Variants in FOSL2 observed in about 807,000 individuals in gnomAD.
The protein encoded by FOSL2 is fos-related antigen 2.
In FOSL2, 3 loss-of-function variants were observed where a neutral mutation model predicts 27.7. The observed-to-expected ratio is 0.11, with a 90% CI of 0.05 to 0.28. FOSL2 has a LOEUF of 0.28. FOSL2 is among the 10% of genes least tolerant of loss of function. FOSL2 has a pLI of 1.00. For synonymous variants in FOSL2, 179 were observed against 190.1 expected (o/e 0.94, Z 0.48); for missense variants, 333 against 445.1 (o/e 0.75, Z 2.27).
intron 2 of FOSL2, among the ~76,000 whole-genome samples, chr2:28,406,134 C>A (rs1389614719): frequency 6.7e-6 from 1 of 150,132 alleles, no homozygotes; most frequent in African/African-American, 2.4e-5. Flanking sequence ...CGGCTCACTA[C>A]AACCTCCTCC....
At chr2:28,409,822 C>T (rs990348764) in intron 3 of FOSL2, among the ~76,000 whole-genome samples, 2 of 152,196 alleles carry the variant, frequency 1.3e-5, no homozygotes, top group African/African-American at 4.8e-5. Context: ...CTCACTGCAA[C>T]CTCTGCCTCT....
At chr2:28,397,868 C>T (rs1369037288) in intron 1 of FOSL2, among the ~76,000 whole-genome samples, 1 of 152,178 alleles carries the variant, frequency 6.6e-6, no homozygotes, top group Non-Finnish European at 1.5e-5. Flanking sequence ...AATCTTTGTC[C>T]TTTGAAGGGT....
At chr2:28,402,345 G>A (rs1442458720) in intron 1 of FOSL2, among the ~76,000 whole-genome samples, 4 of 152,268 alleles carry the variant, frequency 2.6e-5, no homozygotes, top group Non-Finnish European at 4.4e-5. Context: ...GGCCCCCGAG[G>A]TGGTCTGGTT....
In FOSL2 at chr2:28,413,901, T is replaced by C. The variant is rs1572498576; in HGVS notation, c.*1453T>C. 5.0e-6 allele frequency: 2 copies of C among 398,594 alleles called. No individual in the cohort carries two copies. The highest frequency in any genetic ancestry group is 7.1e-5 in the East Asian group (2 of 28,072). 24.7% of individuals were successfully genotyped at this position (398,594 alleles called of 1,614,324 possible). A position where few individuals can be genotyped will look rare whatever the true frequency, so the allele number is the denominator to read the frequency against. On this transcript the variant is annotated 3_prime_UTR_variant, in exon 4 of 4. Coordinates refer to ENST00000264716, the MANE Select transcript of FOSL2 (RefSeq NM_005253.4). Reference sequence around the variant, plus strand: ...GGAGATAGGATGTTTTGCTTCCCACTGCAGGAGAGCTGCCCCCTTTCACGG... The same window carrying C: ...GGAGATAGGATGTTTTGCTTCCCACCGCAGGAGAGCTGCCCCCTTTCACGG...
Position 28,393,891 on chromosome 2 carries a change from CTT to C in FOSL2, c.102+72_102+73del, listed in dbSNP as rs1429674407. 6 of 1,018,954 alleles carry C rather than the reference CTT, an allele frequency of 5.9e-6. No individual in the cohort carries two copies. The Admixed American group carries it at 1.1e-4, about 18-fold the overall frequency. 63.1% of individuals were successfully genotyped at this position (1,018,954 alleles called of 1,614,324 possible). A position where few individuals can be genotyped will look rare whatever the true frequency, so the allele number is the denominator to read the frequency against. On this transcript the variant is annotated intron_variant, in intron 1 of 3. Transcript: ENST00000264716. The surrounding 1 kb of genome is among the most constrained non-coding windows in gnomAD (Gnocchi z 4.6). The stretch of plus-strand genomic sequence containing the variant: ...TGCCCTCTTCTCGCCGCCACTGCCT[CTT>C]TTGCTTTCTTTTCTTTTTCTTGGCG...
At position 28,408,923 on chromosome 2, in the gene FOSL2, G is replaced by A. The variant is rs756403912; in HGVS notation, c.462+57G>A. ...CTGGGTGGGCTGGAGTGAGAGCCCC[G>A]GGGGTCCTGATCCTCTCTCCCACAG... On this transcript the variant is annotated intron_variant, in intron 3 of 3. Transcript: ENST00000264716. The surrounding 1 kb of genome is among the most constrained non-coding windows in gnomAD (Gnocchi z 4.1). The A allele has an allele frequency of 9.9e-5, 121 of 1,228,328 alleles. 1 individual carries two copies. The highest frequency in any genetic ancestry group is 1.3e-4 in the Non-Finnish European group (115 of 875,328). 76.1% of individuals were successfully genotyped at this position (1,228,328 alleles called of 1,614,324 possible). A position where few individuals can be genotyped will look rare whatever the true frequency, so the allele number is the denominator to read the frequency against.
In FOSL2 at chr2:28,406,917, G is replaced by C. The variant is rs528651184; in HGVS notation, c.355-1842G>C. ...TGTGCCCTGTGGCGGCGACTCTGAG[G>C]AGGTGGGGAGGGGAGGGTGTGTGTG... On this transcript the variant is annotated intron_variant, in intron 2 of 3. Coordinates refer to ENST00000264716, the MANE Select transcript of FOSL2 (RefSeq NM_005253.4). Among the ~76,000 whole-genome samples, 20 of 152,348 alleles carry C rather than the reference G, an allele frequency of 1.3e-4. No homozygotes were observed. The South Asian group carries it at 3.9e-3, about 30-fold the overall frequency.
rs921263790 is a variant in FOSL2 at position 28,408,620 on chromosome 2, C to A, written c.355-139C>A. On this transcript the variant is annotated intron_variant, in intron 2 of 3. Coordinates refer to ENST00000264716, the MANE Select transcript of FOSL2 (RefSeq NM_005253.4). This position sits in a 1 kb window ranked among gnomAD's most constrained non-coding sequence, Gnocchi z 4.1. ...TCCACATGTTCTGGGGCCTCTGAGTCCAGCCATGCTCCTCTTGCCCTTCCT... is the reference window on the plus strand; with the variant it reads ...TCCACATGTTCTGGGGCCTCTGAGTACAGCCATGCTCCTCTTGCCCTTCCT... 1 of 594,358 alleles carries A rather than the reference C, an allele frequency of 1.7e-6. No homozygotes were observed. The highest frequency in any genetic ancestry group is 3.8e-5 in the Admixed American group (1 of 26,584). 36.8% of individuals were successfully genotyped at this position (594,358 alleles called of 1,614,324 possible).
At position 28,413,897 on chromosome 2, in the gene FOSL2, C is replaced by A; in HGVS notation, c.*1449C>A. ...AATTGGAGATAGGATGTTTTGCTTC[C>A]CACTGCAGGAGAGCTGCCCCCTTTC... On this transcript the variant is annotated 3_prime_UTR_variant, in exon 4 of 4. Transcript: ENST00000264716. 2.5e-6 allele frequency: 1 copy of A among 398,630 alleles called. No homozygotes were observed. Among genetic ancestry groups the A allele is most frequent in the South Asian group, 1.3e-4 (1 of 7,760 alleles). The allele number at this position is 398,630 out of a possible 1,614,324, so 24.7% of individuals were successfully genotyped here.
chr2:28,398,784 CAT>C (rs1248691621), intron 1 of FOSL2, among the ~76,000 whole-genome samples: 1 of 152,206 alleles, frequency 6.6e-6, no homozygotes, highest in Non-Finnish European at 1.5e-5. Flanking sequence ...TCCATTGTGA[CAT>C]AGTGGTATTT....
rs1235568376 is a variant in FOSL2 at position 28,408,522 on chromosome 2, T to C, written c.355-237T>C. On this transcript the variant is annotated intron_variant, in intron 2 of 3. Coordinates refer to ENST00000264716, the MANE Select transcript of FOSL2 (RefSeq NM_005253.4). The surrounding 1 kb of genome is among the most constrained non-coding windows in gnomAD (Gnocchi z 4.1). Reference sequence around the variant, plus strand: ...ATTGCTGTCCTGTTTAAACATGGACTTTAAACTTGGACATCACCTTCCGGG... The same window carrying C: ...ATTGCTGTCCTGTTTAAACATGGACCTTAAACTTGGACATCACCTTCCGGG... Among the ~76,000 whole-genome samples, 2 of 152,184 alleles carry C rather than the reference T, an allele frequency of 1.3e-5. No homozygotes were observed. The highest frequency in any genetic ancestry group is 2.9e-5 in the Non-Finnish European group (2 of 68,034).
Position 28,412,641 on chromosome 2 carries a change from C to T in FOSL2, c.*193C>T, listed in dbSNP as rs1265970446. ...AGACTTGGGTTGATCTCTTAGAAGC[C>T]ATGGGACCTCCTCCCTCATTCATCT... On this transcript the variant is annotated 3_prime_UTR_variant, in exon 4 of 4. Transcript: ENST00000264716. The surrounding 1 kb of genome is among the most constrained non-coding windows in gnomAD (Gnocchi z 7.1). 1.7e-5 allele frequency: 10 copies of T among 573,122 alleles called. No homozygotes were observed. The East Asian group carries it at 2.5e-4, about 14-fold the overall frequency. 35.5% of individuals were successfully genotyped at this position (573,122 alleles called of 1,614,324 possible). A position where few individuals can be genotyped will look rare whatever the true frequency, so the allele number is the denominator to read the frequency against.
At position 28,393,532 on chromosome 2, in the gene FOSL2, G is replaced by A. The variant is rs1164930466; in HGVS notation, c.-189G>A. The A allele has an allele frequency of 1.8e-6, 1 of 557,180 alleles. No individual in the cohort carries two copies. Among genetic ancestry groups the A allele is most frequent in the Non-Finnish European group, 3.2e-6 (1 of 312,640 alleles). 34.5% of individuals were successfully genotyped at this position (557,180 alleles called of 1,614,324 possible). A position where few individuals can be genotyped will look rare whatever the true frequency, so the allele number is the denominator to read the frequency against. The stretch of plus-strand genomic sequence containing the variant: ...AGAAGTGCTGTAAGGGACGCTCGGG[G>A]GACGCTGTTCCTGAGGTGTCGCCGC... On this transcript the variant is annotated 5_prime_UTR_variant, in exon 1 of 4. Transcript: ENST00000264716. This position sits in a 1 kb window ranked among gnomAD's most constrained non-coding sequence, Gnocchi z 4.6.
rs1290978558 is a variant in FOSL2, at chr2:28,404,116, G to T, written c.112G>T (p.Val38Leu). The change falls in exon 2 of 4, where the codon GTA becomes TTA. Residue 38 changes from valine (V) to leucine (L), a missense_variant. Physicochemically the swap from Val to Leu is conservative, Grantham distance 32. Around this residue, in one of 4 missense-constraint regions of FOSL2, gnomAD observed 131 missense variants for 157.9 expected, o/e 0.83. Transcript: ENST00000264716. The surrounding 1 kb of genome is among the most constrained non-coding windows in gnomAD (Gnocchi z 4.7). ...SGGGGQQKFR[V>L]DMPGSGSAFI... Reference sequence around the variant, plus strand: ...TTTTTCCTCATTTCAGAAATTCCGGGTAGATATGCCTGGCTCAGGCAGTGC... The same window carrying T: ...TTTTTCCTCATTTCAGAAATTCCGGTTAGATATGCCTGGCTCAGGCAGTGC... 1.2e-6 allele frequency: 2 copies of T among 1,614,050 alleles called. No homozygotes were observed. Among genetic ancestry groups the T allele is most frequent in the South Asian group, 1.1e-5 (1 of 91,070 alleles).
intron 1 of FOSL2, among the ~76,000 whole-genome samples, chr2:28,402,745 A>G (rs1663997832): frequency 6.6e-6 from 1 of 152,194 alleles, no homozygotes; most frequent in Non-Finnish European, 1.5e-5. Context: ...GAAGAAAGCA[A>G]TGGAAAAGGA....
Position 28,393,909 on chromosome 2 carries a change from T to C in FOSL2, c.102+87T>C. On this transcript the variant is annotated intron_variant, in intron 1 of 3. Transcript: ENST00000264716. The surrounding 1 kb of genome is among the most constrained non-coding windows in gnomAD (Gnocchi z 4.6). ...ACTGCCTCTTTTGCTTTCTTTTCTT[T>C]TTCTTGGCGAGAAAATACCTACGGG... 2 of 960,650 alleles carry C rather than the reference T, an allele frequency of 2.1e-6. No homozygotes were observed. Among genetic ancestry groups the C allele is most frequent in the Non-Finnish European group, 3.1e-6 (2 of 645,340 alleles). 59.5% of individuals were successfully genotyped at this position (960,650 alleles called of 1,614,324 possible).
rs1197978580 is a variant in FOSL2, at chr2:28,392,876, C to T, written c.-845C>T. 1 of 715,418 alleles carries T rather than the reference C, an allele frequency of 1.4e-6. No individual in the cohort carries two copies. Among genetic ancestry groups the T allele is most frequent in the Non-Finnish European group, 2.6e-6 (1 of 383,792 alleles). The allele number at this position is 715,418 out of a possible 1,614,324, so 44.3% of individuals were successfully genotyped here. On this transcript the variant is annotated 5_prime_UTR_variant, in exon 1 of 4. Transcript: ENST00000264716. The stretch of plus-strand genomic sequence containing the variant: ...TGCCATTGTAGTGACTCATCTCGGG[C>T]AGAGCGCTAGGGCTCCGAGCGAACC...
At chr2:28,398,004 G>A (rs1380049619) in intron 1 of FOSL2, among the ~76,000 whole-genome samples, 1 of 152,212 alleles carries the variant, frequency 6.6e-6, no homozygotes, top group African/African-American at 2.4e-5. Context: ...GAGTCTACCT[G>A]GGAGAGCATG....
intron 1 of FOSL2, among the ~76,000 whole-genome samples, chr2:28,399,443 C>T (rs993154168): frequency 6.6e-6 from 1 of 152,188 alleles, no homozygotes; most frequent in Non-Finnish European, 1.5e-5. Context: ...ACTTCTCTGA[C>T]CTGCTGAGGT....
Sources: allele counts gnomAD v4.1 joint callset (sites outside exome capture counted in the v4.1 genomes callset), GRCh38; gene constraint gnomAD v4.1.1; regional missense constraint gnomAD v4.1.1; non-coding constraint Gnocchi (gnomAD v3.1); transcripts MANE v1.5; gene names NCBI Gene and HGNC (gene_info 2026-07-23, HGNC 2026-07-21).